The following KDM5A variants were observed in gnomAD, a reference collection of about 807,000 sequenced individuals.
The protein encoded by KDM5A is lysine-specific demethylase 5A.
A neutral mutation model predicts 193.5 loss-of-function variants in KDM5A; 42 were observed. The ratio of observed to expected loss-of-function variants is 0.22; its 90% CI spans 0.17 to 0.28. The LOEUF is 0.28. Among genes scored for constraint, KDM5A ranks in the 10% least tolerant of loss-of-function variants. The pLI is 1.00. For synonymous variants in KDM5A, 796 were observed against 718.1 expected (o/e 1.11, Z -1.73); for missense variants, 1,692 against 2,055.1 (o/e 0.82, Z 3.42).
intron 12 of KDM5A, among the ~76,000 whole-genome samples, chr12:332,141 A>G (rs1328494565): frequency 6.6e-6 from 1 of 152,226 alleles, no homozygotes; most frequent in African/African-American, 2.4e-5. Flanking sequence ...ATTATAATTC[A>G]TGACAAGAAT....
intron 27 of KDM5A, among the ~76,000 whole-genome samples, chr12:288,527 CACTT>C (rs1415687972): frequency 6.6e-6 from 1 of 152,118 alleles, no homozygotes; most frequent in Non-Finnish European, 1.5e-5. Flanking sequence ...TTCATATTCA[CACTT>C]AATAAAAAAT....
At chr12:319,371 T>A (rs1943688351) in intron 18 of KDM5A, among the ~76,000 whole-genome samples, 1 of 152,162 alleles carries the variant, frequency 6.6e-6, no homozygotes, top group Non-Finnish European at 1.5e-5. Flanking sequence ...TGCTTTGGGA[T>A]ATATTTTGGA....
intron 10 of KDM5A, among the ~76,000 whole-genome samples, chr12:336,443 G>C (rs1172581158): frequency 6.6e-6 from 1 of 151,142 alleles, no homozygotes; most frequent in African/African-American, 2.4e-5. Context: ...AGAAATGACA[G>C]ATCTATTCCT....
chr12:307,004 T>G lies in KDM5A; in HGVS notation c.4016A>C (p.Asp1339Ala). ...TTCATCAGAGTCTGTTTCTTCATCA[T>G]CATAGTCCATTGTTTGTCGAGGAGA... ...SSSPRQTMDY[D>A]DEETDSDEDI... The change falls in exon 24 of 28, where the codon GAT becomes GCT. Residue 1339 changes from aspartate (D) to alanine (A), a missense_variant. This residue lies in a region of KDM5A where 965 missense variants were observed against 1,061.0 expected (regional missense o/e 0.91). Transcript: ENST00000399788. This position sits in a 1 kb window ranked among gnomAD's most constrained non-coding sequence, Gnocchi z 4.3. The G allele has an allele frequency of 6.2e-7, 1 of 1,614,086 alleles. No individual in the cohort carries two copies. The highest frequency in any genetic ancestry group is 2.2e-5 in the East Asian group (1 of 44,874).
intron 10 of KDM5A, among the ~76,000 whole-genome samples, chr12:342,411 C>T (rs7970562): frequency 0.07 from 10,715 of 152,070 alleles, 845 homozygotes; most frequent in East Asian, 0.35. Context: ...GACAATCTAC[C>T]CACTCAGGTG....
intron 18 of KDM5A, among the ~76,000 whole-genome samples, chr12:320,683 T>A (rs996731011): frequency 3.3e-5 from 5 of 152,212 alleles, no homozygotes; most frequent in Non-Finnish European, 7.3e-5. Flanking sequence ...TTATTAACAC[T>A]GATACATGCA....
intron 3 of KDM5A, among the ~76,000 whole-genome samples, chr12:382,822 C>G (rs1166222628): frequency 6.6e-6 from 1 of 152,054 alleles, no homozygotes; most frequent in Non-Finnish European, 1.5e-5. Flanking sequence ...ATCCCAGCTA[C>G]TCGGGAGGCT....
Position 350,696 on chromosome 12 carries a change from T to C in KDM5A, c.1233A>G (p.Ala411=), listed in dbSNP as rs1478611852. Residue 411 remains alanine, a synonymous_variant, in exon 10 of 28, where the codon GCA becomes GCG. Transcript: ENST00000399788. ...IEEDVIVEYG[A]DISSKDFGSG... ...TTCCAAAGTCTTTTGAGGAGATATC[T>C]GCTCCATATTCCACAATAACATCTT... is the stretch of plus-strand genomic sequence containing the variant. 1.5e-5 allele frequency: 25 copies of C among 1,613,922 alleles called. No individual in the cohort carries two copies. The East Asian group carries it at 5.6e-4, about 36-fold the overall frequency.
intron 3 of KDM5A, among the ~76,000 whole-genome samples, chr12:374,257 G>A (rs1944471123): frequency 6.6e-6 from 1 of 152,152 alleles, no homozygotes; most frequent in African/African-American, 2.4e-5. Context: ...TTAGGAATCT[G>A]GGTGCTCCTG....
At chr12:341,697 C>T (rs946906270) in intron 10 of KDM5A, among the ~76,000 whole-genome samples, 7 of 152,050 alleles carry the variant, frequency 4.6e-5, no homozygotes, top group Non-Finnish European at 8.8e-5. Context: ...GTCAGGAGCT[C>T]GAGACCAGCT....
chr12:382,992 G>T (rs1944593321), intron 3 of KDM5A, among the ~76,000 whole-genome samples: 1 of 146,564 alleles, frequency 6.8e-6, no homozygotes, highest in Non-Finnish European at 1.5e-5. Context: ...AGGTCAGTTA[G>T]TTTTTTTTTT....
intron 5 of KDM5A, among the ~76,000 whole-genome samples, chr12:361,032 A>G (rs1944287783): frequency 1.3e-5 from 2 of 152,230 alleles, no homozygotes; most frequent in Admixed American, 1.3e-4. Context: ...TTTCTTTCTG[A>G]AATAGAAAAC....
At chr12:313,219 A>C (rs1471226743) in intron 19 of KDM5A, 25 bp from the exon 20 acceptor site, 1 of 1,612,828 alleles carries the variant, frequency 6.2e-7, no homozygotes. Context: ...AAAACAGAGT[A>C]GGATGCATGA....
intron 12 of KDM5A, among the ~76,000 whole-genome samples, chr12:332,737 G>T (rs1056149040): frequency 6.6e-6 from 1 of 152,004 alleles, no homozygotes; most frequent in Non-Finnish European, 1.5e-5. Context: ...CTTATTAGTT[G>T]TTAGTTATTA....
intron 10 of KDM5A, among the ~76,000 whole-genome samples, chr12:349,659 A>T (rs1015003891): frequency 6.6e-6 from 1 of 151,524 alleles, no homozygotes; most frequent in African/African-American, 2.4e-5. Context: ...CTAGGCAAAA[A>T]TATTAAACTG....
At chr12:378,517 G>A (rs868492433) in intron 3 of KDM5A, among the ~76,000 whole-genome samples, 10 of 151,998 alleles carry the variant, frequency 6.6e-5, no homozygotes, top group African/African-American at 1.9e-4. Context: ...CTCCTGCCTC[G>A]GCCTCCCAAA....
In KDM5A at chr12:296,050, G is replaced by A. The variant is rs182208510; in HGVS notation, c.4235-257C>T. Among the ~76,000 whole-genome samples, 687 of 152,196 alleles carry A rather than the reference G, an allele frequency of 4.5e-3. 2 individuals carry two copies. Among genetic ancestry groups the A allele is most frequent in the Middle Eastern group, 0.017 (5 of 294 alleles). ...AACAGTTCTTCCAGCCGGGTGTGGC[G>A]GCTCACCCTTGTAATCCCAACACTT... On this transcript the variant is annotated intron_variant, in intron 25 of 27. Transcript: ENST00000399788.
intron 19 of KDM5A, among the ~76,000 whole-genome samples, chr12:313,579 A>C (rs891611730): frequency 1.3e-5 from 2 of 152,202 alleles, no homozygotes; most frequent in Non-Finnish European, 2.9e-5. Context: ...ACAGTACCTG[A>C]AATTGTCAGA....
At chr12:347,415 T>G (rs980406305) in intron 10 of KDM5A, among the ~76,000 whole-genome samples, 5 of 152,166 alleles carry the variant, frequency 3.3e-5, no homozygotes, top group Admixed American at 6.5e-5. Context: ...AAAACTACTT[T>G]AAAGTTCATA....
Sources: gnomAD v4.1 joint callset for allele counts (sites outside exome capture counted in the v4.1 genomes callset) on GRCh38, gnomAD v4.1.1 for gene constraint, gnomAD v4.1.1 regional missense constraint, Gnocchi (gnomAD v3.1) non-coding constraint, MANE v1.5 for transcripts, NCBI Gene and HGNC (gene_info 2026-07-23, HGNC 2026-07-21) for gene names.